The following ZNF385D variants were observed in gnomAD, a reference collection of about 807,000 sequenced individuals.
The protein encoded by ZNF385D is zinc finger protein 385D.
A neutral mutation model predicts 35.8 loss-of-function variants in ZNF385D; 15 were observed. That is an observed-to-expected ratio of 0.42 (90% CI 0.28 to 0.64). The LOEUF is 0.64. ZNF385D is among the 30% of genes least tolerant of loss of function. The probability of loss-of-function intolerance (pLI) is 0.23; values close to 1 mark genes in which losing one functional copy is unlikely to be tolerated. For missense variants in ZNF385D, 474 were observed against 494.6 expected (o/e 0.96, Z 0.39); for synonymous variants, 212 against 186.8 (o/e 1.13, Z -1.10).
chr3:22,094,168 C>G (rs58109498), intron 3 of ZNF385D, among the ~76,000 whole-genome samples: 1 of 151,208 alleles, frequency 6.6e-6, no homozygotes, highest in Non-Finnish European at 1.5e-5. Flanking sequence ...TTCTAATTTT[C>G]CTTTCTACCA....
intron 3 of ZNF385D, among the ~76,000 whole-genome samples, chr3:21,864,537 A>T (rs1697228421): frequency 6.6e-6 from 1 of 152,098 alleles, no homozygotes; most frequent in Admixed American, 6.6e-5. Context: ...AAACTGGCTA[A>T]CATACATCAA....
At chr3:21,760,380 C>A (rs566984199) in intron 3 of ZNF385D, among the ~76,000 whole-genome samples, 1 of 152,268 alleles carries the variant, frequency 6.6e-6, no homozygotes, top group Non-Finnish European at 1.5e-5. Context: ...GCTATATGAT[C>A]AACTGGATTT....
chr3:21,996,645 G>A (rs1039695462), intron 3 of ZNF385D, among the ~76,000 whole-genome samples: 1 of 152,160 alleles, frequency 6.6e-6, no homozygotes, highest in Non-Finnish European at 1.5e-5. Flanking sequence ...CATAGTTGTA[G>A]TTGTTCAGAC....
At position 22,242,867 on chromosome 3, in the gene ZNF385D, T is replaced by C. The variant is rs781412653; in HGVS notation, c.107-73832A>G. 3.1e-4 allele frequency among the ~76,000 whole-genome samples: 46 copies of C among 148,288 alleles called. 1 individual carries two copies. Among genetic ancestry groups the C allele is most frequent in the Non-Finnish European group, 5.4e-4 (36 of 66,706 alleles). ...GAAACTAATGTTTCTGTTAGATTTATAGAAGAGGGGTATACAGAAACTAAT... is the reference window on the plus strand; with the variant it reads ...GAAACTAATGTTTCTGTTAGATTTACAGAAGAGGGGTATACAGAAACTAAT... On this transcript the variant is annotated intron_variant, in intron 2 of 5. Transcript: ENST00000494108.
intron 3 of ZNF385D, among the ~76,000 whole-genome samples, chr3:21,989,832 T>C (rs1239518418): frequency 6.6e-6 from 1 of 152,224 alleles, no homozygotes; most frequent in Non-Finnish European, 1.5e-5. Flanking sequence ...GCACAAGCTG[T>C]GCCACTTTCA....
intron 3 of ZNF385D, among the ~76,000 whole-genome samples, chr3:21,949,215 A>C (rs1403660853): frequency 6.6e-6 from 1 of 152,200 alleles, no homozygotes; most frequent in African/African-American, 2.4e-5. Context: ...TTTTGGCAAA[A>C]TACTACAAAT....
Position 21,751,184 on chromosome 3 carries a change from C to T in ZNF385D, c.-268G>A. 1 of 1,380,260 alleles carries T rather than the reference C, an allele frequency of 7.2e-7. No homozygotes were observed. The highest frequency in any genetic ancestry group is 9.4e-7 in the Non-Finnish European group (1 of 1,065,700). The allele number at this position is 1,380,260 out of a possible 1,614,324, so 85.5% of individuals were successfully genotyped here. A position where few individuals can be genotyped will look rare whatever the true frequency, so the allele number is the denominator to read the frequency against. ...GTAATCCGACTCCTCCTTGCGATGTCCTTGCCGCGCCTGTGACATCAGGAC... is the reference window on the plus strand; with the variant it reads ...GTAATCCGACTCCTCCTTGCGATGTTCTTGCCGCGCCTGTGACATCAGGAC... On this transcript the variant is annotated 5_prime_UTR_variant, in exon 1 of 8. Coordinates refer to ENST00000281523, the MANE Select transcript of ZNF385D (RefSeq NM_024697.3).
At chr3:21,427,008 A>G (rs376622065) in intron 5 of ZNF385D, among the ~76,000 whole-genome samples, 6 of 152,322 alleles carry the variant, frequency 3.9e-5, no homozygotes, top group African/African-American at 1.2e-4. Context: ...GAAAAAGTCA[A>G]TATCTCGCAG....
At chr3:21,595,635 A>AT (rs1218207459) in intron 2 of ZNF385D, among the ~76,000 whole-genome samples, 2 of 151,946 alleles carry the variant, frequency 1.3e-5, no homozygotes, top group Non-Finnish European at 2.9e-5. Flanking sequence ...CTATTTTTTA[A>AT]TTTTTCTCTT....
At chr3:21,572,093 C>T (rs1457586) in intron 2 of ZNF385D, among the ~76,000 whole-genome samples, 135,948 of 152,186 alleles carry the variant, frequency 0.89, 60,919 homozygotes, top group African/African-American at 0.96. Context: ...CCTTGAATTA[C>T]ATGGTTAGTC....
intron 3 of ZNF385D, among the ~76,000 whole-genome samples, chr3:21,810,971 CGTGTGTGT>C (rs139624741): frequency 9.7e-5 from 14 of 144,426 alleles, no homozygotes; most frequent in East Asian, 4.1e-4. Context: ...TGTGTGTATA[CGTGTGTGT>C]GTGTGTGTGT....
chr3:22,079,707 ATTTG>A (rs1421099810), intron 3 of ZNF385D, among the ~76,000 whole-genome samples: 1 of 152,034 alleles, frequency 6.6e-6, no homozygotes, highest in Non-Finnish European at 1.5e-5. Context: ...ATATGTCTTT[ATTTG>A]TATCATTTTC....
intron 3 of ZNF385D, among the ~76,000 whole-genome samples, chr3:21,943,292 A>T (rs780865486): frequency 9.9e-5 from 15 of 151,252 alleles, no homozygotes; most frequent in Non-Finnish European, 2.1e-4. Flanking sequence ...GTGTGTGTGT[A>T]TAGATGTGTG....
At chr3:21,581,114 G>T (rs1227109564) in intron 2 of ZNF385D, among the ~76,000 whole-genome samples, 3 of 152,100 alleles carry the variant, frequency 2.0e-5, no homozygotes, top group Non-Finnish European at 4.4e-5. Context: ...TGCCTTCCAG[G>T]AACTAGCCAG....
At chr3:21,534,572 T>C (rs2125543000) in intron 3 of ZNF385D, among the ~76,000 whole-genome samples, 2 of 152,268 alleles carry the variant, frequency 1.3e-5, no homozygotes, top group South Asian at 2.1e-4. Flanking sequence ...TAAGCACAGC[T>C]GGGCTGAGGA....
chr3:21,986,516 C>T (rs1694812137), intron 3 of ZNF385D, among the ~76,000 whole-genome samples: 1 of 136,068 alleles, frequency 7.3e-6, no homozygotes, highest in Non-Finnish European at 1.5e-5. Context: ...AGTTTGATTG[C>T]ACTGTGGTCT....
chr3:21,976,528 C>G (rs900668883), intron 3 of ZNF385D, among the ~76,000 whole-genome samples: 1 of 151,974 alleles, frequency 6.6e-6, no homozygotes, highest in Non-Finnish European at 1.5e-5. Context: ...TAGACTATAA[C>G]AGGAAATACA....
chr3:21,764,069 A>G (rs190238000), intron 3 of ZNF385D, among the ~76,000 whole-genome samples: 33 of 152,238 alleles, frequency 2.2e-4, no homozygotes, highest in Admixed American at 1.9e-3. Context: ...AAAGATGGAT[A>G]ATCAGGGAGA....
At chr3:21,981,424 C>T (rs1694442806) in intron 3 of ZNF385D, among the ~76,000 whole-genome samples, 1 of 151,970 alleles carries the variant, frequency 6.6e-6, no homozygotes, top group Non-Finnish European at 1.5e-5. Context: ...ATTTGTTTTT[C>T]TCTTGCGAAT....
Sources: gnomAD v4.1 joint callset for allele counts (sites outside exome capture counted in the v4.1 genomes callset) on GRCh38, gnomAD v4.1.1 for gene constraint, MANE v1.5 for transcripts, NCBI Gene and HGNC (gene_info 2026-07-23, HGNC 2026-07-21) for gene names.